The following CNKSR3 variants were observed in gnomAD, a reference collection of about 807,000 sequenced individuals.
The protein encoded by CNKSR3 is CNKSR family member 3.
A neutral mutation model predicts 67.7 loss-of-function variants in CNKSR3; 36 were observed. The observed-to-expected ratio is 0.53, with a 90% CI of 0.41 to 0.70. The LOEUF (loss-of-function observed/expected upper bound fraction) is 0.70, where lower values mean the gene tolerates loss of function less well. CNKSR3 is among the 30% of genes least tolerant of loss of function. The probability of loss-of-function intolerance (pLI) is 0.00; values close to 1 mark genes in which losing one functional copy is unlikely to be tolerated. For missense variants in CNKSR3, 630 were observed against 695.2 expected (o/e 0.91, Z 1.05); for synonymous variants, 281 against 271.4 (o/e 1.04, Z -0.35).
intron 1 of CNKSR3, among the ~76,000 whole-genome samples, chr6:154,505,752 G>T (rs1010926615): frequency 6.7e-6 from 1 of 148,426 alleles, no homozygotes; most frequent in Non-Finnish European, 1.5e-5. Context: ...CGCCCACCTC[G>T]GCCTCCCAAA....
intron 1 of CNKSR3, among the ~76,000 whole-genome samples, chr6:154,455,819 G>C (rs1785940944): frequency 6.6e-6 from 1 of 152,038 alleles, no homozygotes; most frequent in Non-Finnish European, 1.5e-5. Context: ...GATTAAAGGA[G>C]GTCATTTCTG....
intron 4 of CNKSR3, among the ~76,000 whole-genome samples, chr6:154,436,743 G>A (rs1043663074): frequency 1.3e-5 from 2 of 152,026 alleles, no homozygotes; most frequent in South Asian, 2.1e-4. Flanking sequence ...CATGGCATCC[G>A]ACATGAGGAG....
At position 154,510,344 on chromosome 6, in the gene CNKSR3, C is replaced by G. The variant is rs1022049748; in HGVS notation, c.-230G>C. On this transcript the variant is annotated 5_prime_UTR_variant, in exon 1 of 13. Coordinates refer to ENST00000607772, the MANE Select transcript of CNKSR3 (RefSeq NM_173515.4). ...AGTCCAGCTGCAGCTCCTCCTTCCCCCGCCGCCGCCGGGATCCCGGGCACA... is the reference window on the plus strand; with the variant it reads ...AGTCCAGCTGCAGCTCCTCCTTCCCGCGCCGCCGCCGGGATCCCGGGCACA... The G allele has an allele frequency of 5.6e-6, 3 of 537,722 alleles. No homozygotes were observed. The highest frequency in any genetic ancestry group is 3.5e-5 in the East Asian group (1 of 28,500). The allele number at this position is 537,722 out of a possible 1,614,324, so 33.3% of individuals were successfully genotyped here.
Position 154,391,670 on chromosome 6 carries a change from T to G in CNKSR3, c.*14684A>C, listed in dbSNP as rs914295701. 2 of 152,172 alleles carry G rather than the reference T, an allele frequency of 1.3e-5. No individual in the cohort carries two copies. Among genetic ancestry groups the G allele is most frequent in the Admixed American group, 1.3e-4 (2 of 15,260 alleles). The allele number at this position is 152,172 out of a possible 1,614,324, so 9.4% of individuals were successfully genotyped here. A position where few individuals can be genotyped will look rare whatever the true frequency, so the allele number is the denominator to read the frequency against. ...GTGTCACTTTGTGTCTTCTTTTGCTTCCCTTCTCTTTTTTCTCACCTCGCC... is the reference window on the plus strand; with the variant it reads ...GTGTCACTTTGTGTCTTCTTTTGCTGCCCTTCTCTTTTTTCTCACCTCGCC... On this transcript the variant is annotated 3_prime_UTR_variant, in exon 13 of 13. Coordinates refer to ENST00000607772, the MANE Select transcript of CNKSR3 (RefSeq NM_173515.4).
intron 1 of CNKSR3, among the ~76,000 whole-genome samples, chr6:154,464,875 C>T (rs1024410555): frequency 3.3e-5 from 5 of 151,900 alleles, no homozygotes; most frequent in African/African-American, 9.7e-5. Context: ...AGCACTGTGG[C>T]TCACACCTGT....
chr6:154,437,100 A>G (rs537002724), intron 4 of CNKSR3, among the ~76,000 whole-genome samples: 114 of 152,186 alleles, frequency 7.5e-4, no homozygotes, highest in Non-Finnish European at 1.4e-3. Flanking sequence ...AGACAAGGAC[A>G]CCAAGAATAA....
At chr6:154,453,671 C>T (rs116369376) in intron 1 of CNKSR3, among the ~76,000 whole-genome samples, 3,440 of 152,204 alleles carry the variant, frequency 0.023, 72 homozygotes, top group African/African-American at 0.053. Context: ...ACCTATTGTT[C>T]GGCAGTCCTA....
In CNKSR3 at chr6:154,476,025, C is replaced by A. The variant is rs117531357; in HGVS notation, c.53-25767G>T. On this transcript the variant is annotated intron_variant, in intron 1 of 12. Coordinates refer to ENST00000607772, the MANE Select transcript of CNKSR3 (RefSeq NM_173515.4). ...GTGATGCCAGCAGAAGTAATAATAT[C>A]ATTTTTTTTTTTCGGATATGGATGG... is the stretch of plus-strand genomic sequence containing the variant. Among the ~76,000 whole-genome samples the A allele has an allele frequency of 4.0e-3, 609 of 151,568 alleles. 2 individuals carry two copies. The highest frequency in any genetic ancestry group is 6.6e-3 in the Non-Finnish European group (447 of 67,940).
In CNKSR3 at chr6:154,406,078, C is replaced by G; in HGVS notation, c.*276G>C. The G allele has an allele frequency of 2.4e-6, 1 of 408,198 alleles. No individual in the cohort carries two copies. The highest frequency in any genetic ancestry group is 2.0e-5 in the African/African-American group (1 of 50,050). 25.3% of individuals were successfully genotyped at this position (408,198 alleles called of 1,614,324 possible). On this transcript the variant is annotated 3_prime_UTR_variant, in exon 13 of 13. Coordinates refer to ENST00000607772, the MANE Select transcript of CNKSR3 (RefSeq NM_173515.4). ...CTCTGGCCAGGACTGCGATTTCTAGCGCGTGTCTTCACATTCTATCTCTGG... is the reference window on the plus strand; with the variant it reads ...CTCTGGCCAGGACTGCGATTTCTAGGGCGTGTCTTCACATTCTATCTCTGG...
intron 1 of CNKSR3, among the ~76,000 whole-genome samples, chr6:154,491,981 C>T (rs1292195343): frequency 1.6e-4 from 24 of 152,168 alleles, no homozygotes; most frequent in Admixed American, 1.4e-3. Flanking sequence ...CTTAGGACAT[C>T]GATTCCTCTC....
intron 1 of CNKSR3, among the ~76,000 whole-genome samples, chr6:154,489,259 G>A (rs979672088): frequency 4.6e-5 from 7 of 152,120 alleles, no homozygotes; most frequent in South Asian, 2.1e-4. Flanking sequence ...TGCTGGGCAC[G>A]ATGACTCACG....
rs1490349914 is a variant in CNKSR3, at chr6:154,398,602, A to C, written c.*7752T>G. The C allele has an allele frequency of 3.3e-5, 5 of 152,234 alleles. No homozygotes were observed. The highest frequency in any genetic ancestry group is 7.3e-5 in the Non-Finnish European group (5 of 68,046). The allele number at this position is 152,234 out of a possible 1,614,324, so 9.4% of individuals were successfully genotyped here. On this transcript the variant is annotated 3_prime_UTR_variant, in exon 13 of 13. Coordinates refer to ENST00000607772, the MANE Select transcript of CNKSR3 (RefSeq NM_173515.4). Reference sequence around the variant, plus strand: ...ACATTATTCCTTTATTTAAAACCACAGGAAACATAGAAACGAGTTTGAGGA... The same window carrying C: ...ACATTATTCCTTTATTTAAAACCACCGGAAACATAGAAACGAGTTTGAGGA...
At chr6:154,454,255 A>G (rs932414667) in intron 1 of CNKSR3, among the ~76,000 whole-genome samples, 3 of 152,206 alleles carry the variant, frequency 2.0e-5, no homozygotes, top group Non-Finnish European at 4.4e-5. Context: ...TACCCACTAC[A>G]TAGAACTGTA....
At chr6:154,495,275 C>CT (rs1339877567) in intron 1 of CNKSR3, among the ~76,000 whole-genome samples, 1 of 151,766 alleles carries the variant, frequency 6.6e-6, no homozygotes, top group Non-Finnish European at 1.5e-5. Flanking sequence ...CATCTACAAA[C>CT]TAGAACAGCT....
At chr6:154,491,089 C>T (rs771906128) in intron 1 of CNKSR3, among the ~76,000 whole-genome samples, 7 of 152,096 alleles carry the variant, frequency 4.6e-5, no homozygotes, top group African/African-American at 7.2e-5. Context: ...TCAGGTGATC[C>T]GCCCACCTCG....
chr6:154,451,426 G>A (rs73574972), intron 1 of CNKSR3, among the ~76,000 whole-genome samples: 3,364 of 152,250 alleles, frequency 0.022, 92 homozygotes, highest in African/African-American at 0.062. Context: ...TCAATTTAAC[G>A]GGAAAAGTAT....
At chr6:154,478,119 A>G (rs1562351346) in intron 1 of CNKSR3, among the ~76,000 whole-genome samples, 1 of 152,190 alleles carries the variant, frequency 6.6e-6, no homozygotes, top group East Asian at 1.9e-4. Flanking sequence ...AAAGGTGAGT[A>G]CAGCCTGAAT....
Position 154,468,059 on chromosome 6 carries a change from C to A in CNKSR3, c.53-17801G>T, listed in dbSNP as rs560297033. Reference sequence around the variant, plus strand: ...ACAGGCATGAGCCACCACGCCTAGGCTTTTTTTTTTTCTTTTTTTTCTTTT... The same window carrying A: ...ACAGGCATGAGCCACCACGCCTAGGATTTTTTTTTTTCTTTTTTTTCTTTT... On this transcript the variant is annotated intron_variant, in intron 1 of 12. Coordinates refer to ENST00000607772, the MANE Select transcript of CNKSR3 (RefSeq NM_173515.4). Among the ~76,000 whole-genome samples the A allele has an allele frequency of 1.3e-3, 159 of 126,694 alleles. 2 individuals are homozygous for A. Among genetic ancestry groups the A allele is most frequent in the Non-Finnish European group, 2.2e-3 (136 of 60,458 alleles). The allele number at this position is 126,694 out of a possible 152,430, so 83.1% of individuals were successfully genotyped here.
intron 7 of CNKSR3, among the ~76,000 whole-genome samples, chr6:154,426,799 C>CA (rs1487200925): frequency 6.6e-6 from 1 of 152,208 alleles, no homozygotes; most frequent in Non-Finnish European, 1.5e-5. Flanking sequence ...CTGGTTAAGA[C>CA]AGACAACGTA....
Sources: gnomAD v4.1 joint callset for allele counts (sites outside exome capture counted in the v4.1 genomes callset) on GRCh38, gnomAD v4.1.1 for gene constraint, MANE v1.5 for transcripts, NCBI Gene and HGNC (gene_info 2026-07-23, HGNC 2026-07-21) for gene names.